Variants in SRD5A2 observed in about 807,000 individuals in gnomAD.
The protein encoded by SRD5A2 is steroid 5 alpha-reductase 2.
In SRD5A2, 30 loss-of-function variants were observed where a neutral mutation model predicts 27.4. The observed-to-expected ratio is 1.10, with a 90% CI of 0.82 to 1.49. SRD5A2 has a LOEUF of 1.49. Ranked by LOEUF, SRD5A2 falls within the 40% of genes most tolerant of loss-of-function variation. The pLI, the probability that SRD5A2 is intolerant of heterozygous loss-of-function variation, is 0.00. For synonymous variants in SRD5A2, 141 were observed against 133.6 expected (o/e 1.06, Z -0.38); for missense variants, 348 against 323.4 (o/e 1.08, Z -0.58).
chr2:31,600,312 C>T, the SRD5A2 span, among the ~76,000 whole-genome samples: 68 of 151,936 alleles, frequency 4.5e-4, no homozygotes, highest in African/African-American at 1.2e-3. Context: ...CACGTCTTTA[C>T]GATAGAATGA....
chr2:31,660,024 A>G, the SRD5A2 span, among the ~76,000 whole-genome samples: 1 of 151,386 alleles, frequency 6.6e-6, no homozygotes, highest in African/African-American at 2.4e-5. Context: ...TTTCTTCTGC[A>G]GTGCTTTTTT....
chr2:31,580,771 C>A lies in SRD5A2; in HGVS notation c.130G>T (p.Ala44Ser). Residue 44 changes from alanine (A) to serine (S), a missense_variant, in exon 1 of 5, where the codon GCT becomes TCT. By Grantham distance (99) the Ala-to-Ser change is moderately conservative. Transcript: ENST00000622030. The stretch of plus-strand genomic sequence containing the variant: ...GCGGCGCGGGCTGGCAGGCGGGTAG[C>A]CGCCGGCTTCAGGCTCTCCGTGTGC... ...GKHTESLKPA[A>S]TRLPARAAWF... 6.2e-7 allele frequency: 1 copy of A among 1,611,050 alleles called. No homozygotes were observed. The highest frequency in any genetic ancestry group is 8.5e-7 in the Non-Finnish European group (1 of 1,179,572).
At chr2:31,574,131 A>G (rs1666905732) in intron 1 of SRD5A2, among the ~76,000 whole-genome samples, 3 of 152,286 alleles carry the variant, frequency 2.0e-5, no homozygotes, top group Admixed American at 6.5e-5. Flanking sequence ...CCCTCAGTTT[A>G]CATTTTCCCA....
chr2:31,606,218 T>G, the SRD5A2 span, among the ~76,000 whole-genome samples: 1 of 151,884 alleles, frequency 6.6e-6, no homozygotes, highest in Non-Finnish European at 1.5e-5. Flanking sequence ...GAGTAAGACC[T>G]ACTAATTGAT....
At chr2:31,606,976 G>A in the SRD5A2 span, among the ~76,000 whole-genome samples, 1 of 151,926 alleles carries the variant, frequency 6.6e-6, no homozygotes, top group African/African-American at 2.4e-5. Context: ...ACAGAGAAAT[G>A]AGAAATCACA....
chr2:31,603,281 C>A, the SRD5A2 span, among the ~76,000 whole-genome samples: 4 of 151,866 alleles, frequency 2.6e-5, no homozygotes, highest in Non-Finnish European at 5.9e-5. Context: ...TACATGCTGT[C>A]AACATACATG....
chr2:31,541,712 GCCCCTCC>G (rs1666133433), intron 1 of SRD5A2, among the ~76,000 whole-genome samples: 1 of 152,168 alleles, frequency 6.6e-6, no homozygotes, highest in East Asian at 1.9e-4. Context: ...TGCCAATGAT[GCCCCTCC>G]CCTATCCCTC....
At chr2:31,628,337 T>A in the SRD5A2 span, among the ~76,000 whole-genome samples, 1 of 152,144 alleles carries the variant, frequency 6.6e-6, no homozygotes, top group Non-Finnish European at 1.5e-5. Context: ...TTTTTCTTCA[T>A]CCCTCTACTT....
At chr2:31,556,157 A>G (rs1666490031) in intron 1 of SRD5A2, among the ~76,000 whole-genome samples, 1 of 152,190 alleles carries the variant, frequency 6.6e-6, no homozygotes, top group South Asian at 2.1e-4. Flanking sequence ...GTAACTACAA[A>G]CATTGACAAT....
the SRD5A2 span, among the ~76,000 whole-genome samples, chr2:31,648,801 C>A: frequency 2.2e-3 from 329 of 152,164 alleles, 1 homozygote; most frequent in Non-Finnish European, 3.4e-3. Flanking sequence ...AGCTTCAATT[C>A]TATTTGAAGC....
At chr2:31,654,760 T>C in the SRD5A2 span, among the ~76,000 whole-genome samples, 1 of 152,206 alleles carries the variant, frequency 6.6e-6, no homozygotes, top group Non-Finnish European at 1.5e-5. Context: ...TCTGATCTGA[T>C]GCCAGTATCA....
the SRD5A2 span, among the ~76,000 whole-genome samples, chr2:31,662,748 G>T: frequency 6.6e-6 from 1 of 152,078 alleles, no homozygotes; most frequent in Non-Finnish European, 1.5e-5. Flanking sequence ...CTCTCATTTG[G>T]CAGGAATTAA....
the SRD5A2 span, among the ~76,000 whole-genome samples, chr2:31,633,674 G>C: frequency 6.6e-6 from 1 of 152,134 alleles, no homozygotes; most frequent in Non-Finnish European, 1.5e-5. Context: ...CCCCAATTCA[G>C]CAGGAAGCAG....
the SRD5A2 span, among the ~76,000 whole-genome samples, chr2:31,607,203 G>C: frequency 1.3e-5 from 2 of 151,880 alleles, no homozygotes; most frequent in South Asian, 4.1e-4. Flanking sequence ...ATTACTAAAA[G>C]GAGAAGAAAG....
the SRD5A2 span, among the ~76,000 whole-genome samples, chr2:31,625,696 C>T: frequency 6.6e-6 from 1 of 152,040 alleles, no homozygotes; most frequent in African/African-American, 2.4e-5. Context: ...TTTCTGAGGC[C>T]TCTGTTCTGT....
At chr2:31,532,756 A>T (rs1665939996) in intron 2 of SRD5A2, among the ~76,000 whole-genome samples, 1 of 151,850 alleles carries the variant, frequency 6.6e-6, no homozygotes, top group Non-Finnish European at 1.5e-5. Flanking sequence ...TAGTCAAAAG[A>T]TCATTAGCCT....
At chr2:31,550,932 T>C (rs1329986600) in intron 1 of SRD5A2, among the ~76,000 whole-genome samples, 3 of 151,994 alleles carry the variant, frequency 2.0e-5, no homozygotes, top group African/African-American at 4.8e-5. Context: ...ATAAAAGTCA[T>C]TTGCAAATCA....
At chr2:31,572,937 G>A (rs1351688393) in intron 1 of SRD5A2, among the ~76,000 whole-genome samples, 1 of 152,082 alleles carries the variant, frequency 6.6e-6, no homozygotes, top group Non-Finnish European at 1.5e-5. Context: ...TTAAGACTTG[G>A]GTAGTAGGAC....
chr2:31,595,300 A>G, the SRD5A2 span, among the ~76,000 whole-genome samples: 2 of 152,194 alleles, frequency 1.3e-5, no homozygotes, highest in South Asian at 2.1e-4. Context: ...AAATTGATAG[A>G]CCATTAGTGA....
Sources: gnomAD v4.1 joint callset for allele counts (sites outside exome capture counted in the v4.1 genomes callset) on GRCh38, gnomAD v4.1.1 for gene constraint, MANE v1.5 for transcripts, NCBI Gene and HGNC (gene_info 2026-07-23, HGNC 2026-07-21) for gene names.